The following SPOCK1 variants were observed in gnomAD, a reference collection of about 807,000 sequenced individuals.
The protein encoded by SPOCK1 is SPARC (osteonectin), cwcv and kazal like domains proteoglycan 1, also known as testican-1.
A neutral mutation model predicts 55.3 loss-of-function variants in SPOCK1; 23 were observed. That is an observed-to-expected ratio of 0.42 (90% CI 0.30 to 0.59). The LOEUF (loss-of-function observed/expected upper bound fraction) is 0.59. Ranked by LOEUF, SPOCK1 falls within the 20% of genes least tolerant of loss-of-function variation. The probability of loss-of-function intolerance (pLI) is 0.22; values close to 1 mark genes in which losing one functional copy is unlikely to be tolerated. For missense variants in SPOCK1, 499 were observed against 552.5 expected (o/e 0.90, Z 0.97); for synonymous variants, 226 against 221.0 (o/e 1.02, Z -0.20).
intron 4 of SPOCK1, among the ~76,000 whole-genome samples, chr5:137,114,943 C>G (rs1220357889): frequency 6.6e-6 from 1 of 152,196 alleles, no homozygotes; most frequent in African/African-American, 2.4e-5. Flanking sequence ...GGAAAAAAGC[C>G]TAAGGGAGCT....
At chr5:137,346,346 C>T (rs1196857615) in intron 2 of SPOCK1, among the ~76,000 whole-genome samples, 1 of 152,192 alleles carries the variant, frequency 6.6e-6, no homozygotes, top group African/African-American at 2.4e-5. Flanking sequence ...CTCCACCCAT[C>T]CTTTATCCTG....
At chr5:137,420,978 G>A (rs1048825877) in intron 2 of SPOCK1, among the ~76,000 whole-genome samples, 1 of 152,196 alleles carries the variant, frequency 6.6e-6, no homozygotes, top group African/African-American at 2.4e-5. Context: ...ATGTGTCCCA[G>A]AGATTCTGGT....
chr5:137,185,849 G>C (rs1009511996), intron 3 of SPOCK1, among the ~76,000 whole-genome samples: 1 of 152,094 alleles, frequency 6.6e-6, no homozygotes, highest in Non-Finnish European at 1.5e-5. Flanking sequence ...GCCTTTCAAA[G>C]TACATCTTGG....
chr5:137,247,441 G>A (rs1478293490), intron 3 of SPOCK1, among the ~76,000 whole-genome samples: 1 of 152,168 alleles, frequency 6.6e-6, no homozygotes, highest in Non-Finnish European at 1.5e-5. Flanking sequence ...TATGATTATG[G>A]AATTAATGCA....
At position 137,190,402 on chromosome 5, in the gene SPOCK1, T is replaced by G. The variant is rs555039016; in HGVS notation, c.233-49708A>C. On this transcript the variant is annotated intron_variant, in intron 3 of 10. Transcript: ENST00000394945. Reference sequence around the variant, plus strand: ...TCAACACTGAAGCAAGACCCTCCACTAGCAAAAAGACAATGACTCTCTGAA... The same window carrying G: ...TCAACACTGAAGCAAGACCCTCCACGAGCAAAAAGACAATGACTCTCTGAA... 1.3e-3 allele frequency among the ~76,000 whole-genome samples: 195 copies of G among 152,286 alleles called. 1 individual carries two copies. Among genetic ancestry groups the G allele is most frequent in the African/African-American group, 4.6e-3 (191 of 41,570 alleles).
chr5:137,486,488 AG>A (rs1006850108), intron 2 of SPOCK1, among the ~76,000 whole-genome samples: 6 of 152,206 alleles, frequency 3.9e-5, no homozygotes, highest in Admixed American at 3.3e-4. Flanking sequence ...CAGCCTGACC[AG>A]GGGACAGGAA....
chr5:137,319,516 T>C (rs1028455738), intron 2 of SPOCK1, among the ~76,000 whole-genome samples: 1 of 152,216 alleles, frequency 6.6e-6, no homozygotes, highest in Non-Finnish European at 1.5e-5. Context: ...AAACTAGTTA[T>C]GTTTTCAGTA....
chr5:137,255,675 CAGG>C lies in SPOCK1; in HGVS notation c.232+11332_232+11334del, dbSNP rs141055539. On this transcript the variant is annotated intron_variant, in intron 3 of 10. Coordinates refer to ENST00000394945, the MANE Select transcript of SPOCK1 (RefSeq NM_004598.4). ...AGCATTCATGGACGTGAAGTGAAGG[CAGG>C]AGGAGAACTCAAGTGCATTGATTAC... is the stretch of plus-strand genomic sequence containing the variant. Among the ~76,000 whole-genome samples the C allele has an allele frequency of 6.6e-3, 1,001 of 152,210 alleles. 23 individuals carry two copies. Among genetic ancestry groups the C allele is most frequent in the African/African-American group, 0.022 (934 of 41,520 alleles).
intron 6 of SPOCK1, among the ~76,000 whole-genome samples, chr5:137,004,008 C>A (rs1751196325): frequency 6.6e-6 from 1 of 152,090 alleles, no homozygotes; most frequent in Non-Finnish European, 1.5e-5. Context: ...TTAATTCCCC[C>A]CACTACTCCA....
At chr5:137,339,162 A>G (rs1420810382) in intron 2 of SPOCK1, among the ~76,000 whole-genome samples, 1 of 152,142 alleles carries the variant, frequency 6.6e-6, no homozygotes, top group Non-Finnish European at 1.5e-5. Flanking sequence ...CAAGTTTTAT[A>G]TCACAGCCAC....
intron 4 of SPOCK1, among the ~76,000 whole-genome samples, chr5:137,136,713 C>A (rs1178921567): frequency 1.3e-5 from 2 of 152,130 alleles, no homozygotes; most frequent in Non-Finnish European, 2.9e-5. Context: ...TTTAAAGTAG[C>A]TTAAGAGAAG....
At chr5:137,478,649 G>A (rs895351506) in intron 2 of SPOCK1, among the ~76,000 whole-genome samples, 16 of 151,948 alleles carry the variant, frequency 1.1e-4, no homozygotes, top group African/African-American at 3.9e-4. Flanking sequence ...AAATCTAAAG[G>A]ATTTTAAAAT....
At chr5:137,330,274 G>A (rs879532432) in intron 2 of SPOCK1, among the ~76,000 whole-genome samples, 2 of 152,116 alleles carry the variant, frequency 1.3e-5, no homozygotes, top group Non-Finnish European at 2.9e-5. Flanking sequence ...TGTCAGTGGC[G>A]AGCGGCTTTT....
At chr5:137,236,055 G>A (rs1756174452) in intron 3 of SPOCK1, among the ~76,000 whole-genome samples, 1 of 152,216 alleles carries the variant, frequency 6.6e-6, no homozygotes, top group South Asian at 2.1e-4. Context: ...CTTCTGTAGG[G>A]CTTAGAAAAA....
At chr5:137,393,403 G>A (rs1751769149) in intron 2 of SPOCK1, among the ~76,000 whole-genome samples, 1 of 152,338 alleles carries the variant, frequency 6.6e-6, no homozygotes, top group South Asian at 2.1e-4. Flanking sequence ...AGTTGACCCA[G>A]CCAAGGCCAT....
intron 3 of SPOCK1, among the ~76,000 whole-genome samples, chr5:137,217,541 G>A (rs1411549013): frequency 1.3e-5 from 2 of 152,182 alleles, no homozygotes; most frequent in African/African-American, 2.4e-5. Context: ...TTCAGGGATG[G>A]GATGTAACAC....
chr5:137,149,639 A>C (rs1434673227), intron 3 of SPOCK1, among the ~76,000 whole-genome samples: 1 of 152,208 alleles, frequency 6.6e-6, no homozygotes, highest in Non-Finnish European at 1.5e-5. Flanking sequence ...CTATAAAAAC[A>C]TGGAGCTTTT....
At chr5:137,496,963 CAACATCAACTAGAAA>C (rs1212845307) in intron 2 of SPOCK1, among the ~76,000 whole-genome samples, 1 of 152,050 alleles carries the variant, frequency 6.6e-6, no homozygotes, top group Non-Finnish European at 1.5e-5. Flanking sequence ...AGAAGCAGTC[CAACATCAACTAGAAA>C]AAAGAAGAGG....
chr5:137,494,523 T>C (rs1754256278), intron 2 of SPOCK1, among the ~76,000 whole-genome samples: 1 of 152,192 alleles, frequency 6.6e-6, no homozygotes, highest in Non-Finnish European at 1.5e-5. Context: ...AGATAATACA[T>C]GGAAAGTACC....
Sources: allele counts gnomAD v4.1 joint callset (sites outside exome capture counted in the v4.1 genomes callset), GRCh38; gene constraint gnomAD v4.1.1; transcripts MANE v1.5; gene names NCBI Gene and HGNC (gene_info 2026-07-23, HGNC 2026-07-21).